The following EEA1 variants were observed in gnomAD, a reference collection of about 807,000 sequenced individuals.
The protein encoded by EEA1 is early endosome antigen 1.
In EEA1, 111 loss-of-function variants were observed where a neutral mutation model predicts 209.2. That is an observed-to-expected ratio of 0.53 (90% CI 0.45 to 0.62). EEA1 has a LOEUF of 0.62. EEA1 is among the 20% of genes least tolerant of loss of function. EEA1 has a pLI of 0.00. For missense variants in EEA1, 1,343 were observed against 1,530.8 expected (o/e 0.88, Z 2.05); for synonymous variants, 536 against 540.6 (o/e 0.99, Z 0.12).
At chr12:92,779,042 G>A (rs534465021) in intron 25 of EEA1, 73 bp downstream of exon 25, 47 of 1,329,970 alleles carry the variant, frequency 3.5e-5, no homozygotes, top group Admixed American at 5.2e-5. Context: ...GATCTTATAA[G>A]TAGAACAGTC....
intron 1 of EEA1, chr12:92,895,262 T>G (rs919832896): frequency 2.0e-5 from 3 of 150,204 alleles, no homozygotes; most frequent in African/African-American, 7.4e-5. Flanking sequence ...TACATGCCAT[T>G]CTCCCGCCTC....
chr12:92,782,167 T>C, intron 22 of EEA1, 32 bp from the exon 23 acceptor site: 1 of 1,542,364 alleles, frequency 6.5e-7, no homozygotes, highest in Non-Finnish European at 8.8e-7. Flanking sequence ...AATTATTATA[T>C]GCCATGTTTT....
chr12:92,792,098 A>T (rs1334733784), intron 21 of EEA1, among the ~76,000 whole-genome samples: 1 of 152,226 alleles, frequency 6.6e-6, no homozygotes, highest in Non-Finnish European at 1.5e-5. Context: ...ACAACATACC[A>T]GAATCTCTGG....
chr12:92,827,657 T>G (rs192221027), intron 12 of EEA1, among the ~76,000 whole-genome samples: 6 of 152,356 alleles, frequency 3.9e-5, no homozygotes, highest in Admixed American at 3.9e-4. Context: ...AGCAGCCTGA[T>G]GGGTTCACCC....
At chr12:92,844,477 C>T (rs1877308681) in intron 9 of EEA1, among the ~76,000 whole-genome samples, 2 of 152,168 alleles carry the variant, frequency 1.3e-5, no homozygotes, top group South Asian at 4.1e-4. Context: ...TAATCTTATA[C>T]AATTCAAAGA....
intron 13 of EEA1, among the ~76,000 whole-genome samples, chr12:92,820,599 T>C (rs1269099639): frequency 1.3e-5 from 2 of 151,582 alleles, no homozygotes; most frequent in Non-Finnish European, 2.9e-5. Flanking sequence ...CTGTTGGGGG[T>C]TGGGGGCAAG....
At chr12:92,868,140 C>T (rs112554176) in intron 2 of EEA1, among the ~76,000 whole-genome samples, 2,827 of 152,210 alleles carry the variant, frequency 0.019, 96 homozygotes, top group African/African-American at 0.063. Context: ...GAGGATGTGC[C>T]TCTGGACATC....
intron 25 of EEA1, 58 bp from the exon 26 acceptor site, chr12:92,778,237 T>A: frequency 1.5e-6 from 2 of 1,359,346 alleles, no homozygotes; most frequent in Non-Finnish European, 2.1e-6. Flanking sequence ...AAAATAAATG[T>A]AAGTGATTTA....
At chr12:92,838,779 T>G (rs1418284802) in intron 10 of EEA1, among the ~76,000 whole-genome samples, 1 of 152,160 alleles carries the variant, frequency 6.6e-6, no homozygotes, top group African/African-American at 2.4e-5. Context: ...GCTATAATAT[T>G]TGAATATTTG....
At chr12:92,888,357 GACC>G (rs1319596498) in intron 2 of EEA1, among the ~76,000 whole-genome samples, 1 of 152,150 alleles carries the variant, frequency 6.6e-6, no homozygotes, top group Non-Finnish European at 1.5e-5. Context: ...GAAGCAAGTG[GACC>G]ACAAGGTCAG....
rs574493908 is a variant in EEA1, at chr12:92,840,508, C to T, written c.915+1957G>A. Among the ~76,000 whole-genome samples the T allele has an allele frequency of 1.4e-4, 21 of 152,320 alleles. No individual in the cohort carries two copies. The South Asian group carries it at 4.3e-3, about 32-fold the overall frequency. On this transcript the variant is annotated intron_variant, in intron 10 of 28. Transcript: ENST00000322349. ...TTGTATTTTTAATAGAATGGGATTT[C>T]ACCATGTTGGCCAGGCTGGTCTCAA...
intron 2 of EEA1, among the ~76,000 whole-genome samples, chr12:92,870,481 G>T (rs1878595045): frequency 6.6e-6 from 1 of 151,990 alleles, no homozygotes; most frequent in Non-Finnish European, 1.5e-5. Context: ...CTCAGATACT[G>T]GGAAATACTG....
rs142255047 is a variant in EEA1, at chr12:92,913,722, G to A, written c.24+15321C>T. Among the ~76,000 whole-genome samples the A allele has an allele frequency of 3.3e-3, 507 of 152,156 alleles. 2 individuals carry two copies. The highest frequency in any genetic ancestry group is 0.012 in the African/African-American group (481 of 41,502). On this transcript the variant is annotated intron_variant, in intron 1 of 28. Transcript: ENST00000322349. ...GTCACCCGGGCTGGAGTGCAGTGGC[G>A]CGATGTCAGCTCACTGCAACCTCCA...
chr12:92,897,753 A>C (rs1159101332), intron 1 of EEA1, among the ~76,000 whole-genome samples: 2 of 152,166 alleles, frequency 1.3e-5, no homozygotes, highest in African/African-American at 2.4e-5. Flanking sequence ...GAATTCAAAA[A>C]TGCAGCGAGC....
intron 2 of EEA1, among the ~76,000 whole-genome samples, chr12:92,868,778 T>G (rs1878508140): frequency 6.6e-6 from 1 of 152,166 alleles, no homozygotes; most frequent in African/African-American, 2.4e-5. Flanking sequence ...TACATATAAT[T>G]CCGCACCTTC....
At chr12:92,814,800 ACAAGGAAGTAC>A (rs1399649746) in intron 15 of EEA1, among the ~76,000 whole-genome samples, 1 of 152,228 alleles carries the variant, frequency 6.6e-6, no homozygotes, top group Non-Finnish European at 1.5e-5. Context: ...GATCATGCAC[ACAAGGAAGTAC>A]CGTGGAAGTA....
rs1039561890 is a variant in EEA1, at chr12:92,816,267, G to A, written c.1862C>T (p.Thr621Ile). The change falls in exon 15 of 29, where the codon ACT becomes ATT. Residue 621 changes from threonine to isoleucine, a missense_variant. Thr to Ile is a moderately conservative substitution (Grantham distance 89). Transcript: ENST00000322349. The stretch of plus-strand genomic sequence containing the variant: ...TTGACTATTTAATTCATTGACACTA[G>A]TTTCTAGGGAAAGGACACGGTCTTG... The part of the protein sequence containing the change: ...AAQDRVLSLE[T>I]SVNELNSQLN... 20 of 1,613,804 alleles carry A rather than the reference G, an allele frequency of 1.2e-5. No individual in the cohort carries two copies. The highest frequency in any genetic ancestry group is 1.4e-5 in the Non-Finnish European group (16 of 1,179,888).
chr12:92,822,355 T>A (rs1040419684), intron 13 of EEA1, among the ~76,000 whole-genome samples: 2 of 152,154 alleles, frequency 1.3e-5, no homozygotes, highest in Admixed American at 6.5e-5. Flanking sequence ...CATTCCTAAT[T>A]CCCTCATCTC....
chr12:92,786,793 C>G (rs2059569730), intron 22 of EEA1, among the ~76,000 whole-genome samples: 1 of 152,138 alleles, frequency 6.6e-6, no homozygotes, highest in Admixed American at 6.6e-5. Flanking sequence ...TCTATTTAGA[C>G]TTTTCACTTT....
Sources: allele counts gnomAD v4.1 joint callset (sites outside exome capture counted in the v4.1 genomes callset), GRCh38; gene constraint gnomAD v4.1.1; transcripts MANE v1.5; gene names NCBI Gene and HGNC (gene_info 2026-07-23, HGNC 2026-07-21).